Variants in GPR149 observed in about 807,000 individuals in gnomAD.
GPR149 encodes the protein G protein-coupled receptor 149, also known as probable G protein-coupled receptor 149.
In GPR149, 50 loss-of-function variants were observed where a neutral mutation model predicts 50.2. The observed-to-expected ratio is 1.00, with a 90% CI of 0.79 to 1.26. GPR149 has a LOEUF of 1.26. Among genes scored for constraint, GPR149 ranks in the 50% most tolerant of loss-of-function variants. The pLI is 0.00. For missense variants in GPR149, 983 were observed against 895.4 expected (o/e 1.10, Z -1.25); for synonymous variants, 405 against 358.2 (o/e 1.13, Z -1.48).
intron 3 of GPR149, among the ~76,000 whole-genome samples, chr3:154,349,767 C>A (rs544495282): frequency 1.3e-5 from 2 of 152,282 alleles, no homozygotes; most frequent in East Asian, 1.9e-4. Context: ...AATAATCAAA[C>A]TCTACAGACA....
At chr3:154,402,692 T>C (rs568022486) in intron 3 of GPR149, among the ~76,000 whole-genome samples, 38 of 152,300 alleles carry the variant, frequency 2.5e-4, no homozygotes, top group Non-Finnish European at 4.6e-4. Context: ...GTTGCTGGAC[T>C]TACCACTCCA....
At chr3:154,363,708 G>C (rs1714467229) in intron 3 of GPR149, among the ~76,000 whole-genome samples, 3 of 152,118 alleles carry the variant, frequency 2.0e-5, no homozygotes, top group African/African-American at 7.2e-5. Context: ...TTCCATCCCT[G>C]TCTTGCCCAG....
chr3:154,428,725 A>T lies in GPR149; in HGVS notation c.891T>A (p.Tyr297Ter). The change falls in exon 1 of 4, where the codon TAT (tyrosine) becomes TAA (stop). Residue 297 changes from tyrosine to a stop codon, truncating the protein, a stop_gained. Transcript: ENST00000389740. LOFTEE classifies it high-confidence loss of function. The part of the protein sequence containing the change: ...ACRRENRGTL[Y>*]GTRSFTVSVA... The stretch of plus-strand genomic sequence containing the variant: ...CGCTCACGGTGAAGCTCCTGGTGCC[A>T]TAGAGAGTCCCCCGGTTCTCACGCC... 6.2e-7 allele frequency: 1 copy of T among 1,614,134 alleles called. No individual in the cohort carries two copies. Among genetic ancestry groups the T allele is most frequent in the Non-Finnish European group, 8.5e-7 (1 of 1,180,036 alleles).
At chr3:154,362,555 C>T (rs940536153) in intron 3 of GPR149, among the ~76,000 whole-genome samples, 1 of 152,088 alleles carries the variant, frequency 6.6e-6, no homozygotes, top group African/African-American at 2.4e-5. Context: ...TTAAGTTCCA[C>T]AGCTAATCAC....
chr3:154,421,201 G>C lies in GPR149; in HGVS notation c.1461C>G (p.Asn487Lys). 1 of 1,613,482 alleles carries C rather than the reference G, an allele frequency of 6.2e-7. No homozygotes were observed. The highest frequency in any genetic ancestry group is 8.5e-7 in the Non-Finnish European group (1 of 1,179,592). The change falls in exon 3 of 4, where the codon AAC becomes AAG. Residue 487 changes from asparagine to lysine, a missense_variant. Transcript: ENST00000389740. ...TTTTGTCAGAAAACGCATCCTTTTT[G>C]TTGTTGGAATCCTGTTTAGCTTCTG... ...DITEAKQDSN[N>K]KKDAFSDKTG...
Position 154,429,053 on chromosome 3 carries a change from C to A in GPR149, c.563G>T (p.Ser188Ile), listed in dbSNP as rs760510176. The A allele has an allele frequency of 6.2e-7, 1 of 1,613,988 alleles. No individual in the cohort carries two copies. Among genetic ancestry groups the A allele is most frequent in the Non-Finnish European group, 8.5e-7 (1 of 1,180,026 alleles). ...TPWGCLVDCSSSYVLFLSIVY... is the reference protein window; with the variant it reads ...TPWGCLVDCSISYVLFLSIVY... ...GATAGAGAGGAATAGTACGTAGGAG[C>A]TGGAGCAGTCCACCAGGCAGCCCCA... Residue 188 changes from serine (S) to isoleucine (I), a missense_variant, in exon 1 of 4, where the codon AGC (serine) becomes ATC (isoleucine). Physicochemically the swap from Ser to Ile is moderately radical, Grantham distance 142. Coordinates refer to ENST00000389740, the MANE Select transcript of GPR149 (RefSeq NM_001038705.3).
At chr3:154,397,782 T>C (rs1715327056) in intron 3 of GPR149, among the ~76,000 whole-genome samples, 1 of 152,186 alleles carries the variant, frequency 6.6e-6, no homozygotes, top group Admixed American at 6.5e-5. Context: ...TTGAAAACTA[T>C]TGTGTAATTC....
chr3:154,350,111 C>A (rs1714036818), intron 3 of GPR149, among the ~76,000 whole-genome samples: 1 of 151,982 alleles, frequency 6.6e-6, no homozygotes, highest in East Asian at 1.9e-4. Flanking sequence ...GTGAGAGGAT[C>A]ACTTGAGCCT....
At chr3:154,342,302 G>A (rs1713816419) in intron 3 of GPR149, among the ~76,000 whole-genome samples, 1 of 152,162 alleles carries the variant, frequency 6.6e-6, no homozygotes. Context: ...TTCTCAACCA[G>A]TAAGATAAAC....
chr3:154,379,876 GT>G (rs1217045600), intron 3 of GPR149, among the ~76,000 whole-genome samples: 3 of 151,948 alleles, frequency 2.0e-5, no homozygotes, highest in Non-Finnish European at 4.4e-5. Context: ...TGTAAGTTCT[GT>G]GTATTTTTTC....
At chr3:154,411,002 C>A (rs1234505539) in intron 3 of GPR149, among the ~76,000 whole-genome samples, 1 of 151,992 alleles carries the variant, frequency 6.6e-6, no homozygotes, top group Non-Finnish European at 1.5e-5. Flanking sequence ...TCTCTCAGAC[C>A]ACAGTGGAAT....
intron 3 of GPR149, among the ~76,000 whole-genome samples, chr3:154,343,988 CA>C (rs1027016251): frequency 1.0e-4 from 15 of 146,942 alleles, no homozygotes; most frequent in South Asian, 4.3e-4. Context: ...ACCGCCCCCC[CA>C]AAAAAAAAGA....
At chr3:154,343,900 G>C (rs759283451) in intron 3 of GPR149, among the ~76,000 whole-genome samples, 65 of 152,022 alleles carry the variant, frequency 4.3e-4, no homozygotes, top group South Asian at 2.3e-3. Context: ...CATCACTTGA[G>C]CCCGGGAGAT....
intron 3 of GPR149, among the ~76,000 whole-genome samples, chr3:154,398,214 G>T (rs902917838): frequency 6.6e-6 from 1 of 152,156 alleles, no homozygotes; most frequent in African/African-American, 2.4e-5. Flanking sequence ...TGACTATCTA[G>T]AAAGAGGGTG....
intron 3 of GPR149, among the ~76,000 whole-genome samples, chr3:154,367,141 G>A (rs1049646033): frequency 6.6e-6 from 1 of 152,166 alleles, no homozygotes; most frequent in African/African-American, 2.4e-5. Context: ...GGGTCAAGTA[G>A]GGGCTCAGAA....
chr3:154,408,213 G>A (rs1395792322), intron 3 of GPR149, among the ~76,000 whole-genome samples: 1 of 152,188 alleles, frequency 6.6e-6, no homozygotes, highest in African/African-American at 2.4e-5. Flanking sequence ...TAGGAGGCAG[G>A]ACTAGCTTGC....
chr3:154,399,474 G>A (rs9289947), intron 3 of GPR149, among the ~76,000 whole-genome samples: 138,160 of 152,230 alleles, frequency 0.91, 63,011 homozygotes, highest in Middle Eastern at 0.99. Flanking sequence ...GTCATCACTT[G>A]GTGTAGTAAA....
At chr3:154,414,787 A>C (rs1352052067) in intron 3 of GPR149, among the ~76,000 whole-genome samples, 1 of 151,946 alleles carries the variant, frequency 6.6e-6, no homozygotes, top group Non-Finnish European at 1.5e-5. Context: ...AAAAATAAAA[A>C]ACAAAATTGG....
chr3:154,421,280 G>A lies in GPR149; in HGVS notation c.1382C>T (p.Ser461Phe). ...AIKVEISTTP[S>F]LDSSTQRGIN... Reference sequence around the variant, plus strand: ...GCCTCTTTGTGTGGAGCTGTCCAGAGAGGGCGTGGTGCTGATTTCTACTTT... The same window carrying A: ...GCCTCTTTGTGTGGAGCTGTCCAGAAAGGGCGTGGTGCTGATTTCTACTTT... The change falls in exon 3 of 4, where the codon TCT becomes TTT. Residue 461 changes from serine (S) to phenylalanine (F), a missense_variant. Coordinates refer to ENST00000389740, the MANE Select transcript of GPR149 (RefSeq NM_001038705.3). The A allele has an allele frequency of 6.2e-7, 1 of 1,613,492 alleles. No individual in the cohort carries two copies. Among genetic ancestry groups the A allele is most frequent in the Non-Finnish European group, 8.5e-7 (1 of 1,179,574 alleles).
Sources: allele counts gnomAD v4.1 joint callset (sites outside exome capture counted in the v4.1 genomes callset), GRCh38; gene constraint gnomAD v4.1.1; transcripts MANE v1.5; gene names NCBI Gene and HGNC (gene_info 2026-07-23, HGNC 2026-07-21).